ZFP1: variants seen among roughly 807,000 people sequenced by gnomAD.
ZFP1 encodes ZFP1 zinc finger protein.
A neutral mutation model predicts 38.5 loss-of-function variants in ZFP1; 32 were observed. The ratio of observed to expected loss-of-function variants is 0.83; its 90% CI spans 0.63 to 1.12. ZFP1 has a LOEUF of 1.12. Ranked by LOEUF, ZFP1 falls within the 50% of genes most tolerant of loss-of-function variation. ZFP1 has a pLI of 0.00. For synonymous variants in ZFP1, 245 were observed against 168.8 expected, an observed-to-expected ratio of 1.45 and a Z score of -3.50; for missense variants, 616 against 480.8, an observed-to-expected ratio of 1.28 and a Z score of -2.63.
chr16:75,164,809 GTT>G (rs35922943), intron 2 of ZFP1, among the ~76,000 whole-genome samples: 3 of 31,542 alleles, frequency 9.5e-5, no homozygotes, highest in East Asian at 5.4e-4. Flanking sequence ...GTTTCCATAA[GTT>G]TTTTTTTTTT....
In ZFP1 at chr16:75,170,511, C is replaced by A. The variant is rs2038367202; in HGVS notation, c.*177C>A. 1.1e-6 allele frequency: 1 copy of A among 918,368 alleles called. No individual in the cohort carries two copies. Among genetic ancestry groups the A allele is most frequent in the Non-Finnish European group, 1.5e-6 (1 of 665,902 alleles). 56.9% of individuals were successfully genotyped at this position (918,368 alleles called of 1,614,324 possible). On this transcript the variant is annotated 3_prime_UTR_variant, in exon 4 of 4. Coordinates refer to ENST00000570010, the MANE Select transcript of ZFP1 (RefSeq NM_153688.4). ...ATTATACTGGAAGTTACATGTGATACCCAGCTAAAGAATACATATCAGAAT... is the reference window on the plus strand; with the variant it reads ...ATTATACTGGAAGTTACATGTGATAACCAGCTAAAGAATACATATCAGAAT...
intron 2 of ZFP1, among the ~76,000 whole-genome samples, chr16:75,154,215 C>A (rs918333250): frequency 3.5e-5 from 3 of 85,164 alleles, no homozygotes; most frequent in Non-Finnish European, 8.6e-5. Flanking sequence ...CAGAGCGAGA[C>A]TTTGTCTCAA....
At chr16:75,163,734 C>G (rs1473815922) in intron 2 of ZFP1, among the ~76,000 whole-genome samples, 1 of 152,004 alleles carries the variant, frequency 6.6e-6, no homozygotes, top group Non-Finnish European at 1.5e-5. Context: ...ACCTGAACCT[C>G]CCACATAGCT....
At chr16:75,138,670 G>T in the ZFP1 span, among the ~76,000 whole-genome samples, 1 of 152,204 alleles carries the variant, frequency 6.6e-6, no homozygotes, top group Admixed American at 6.5e-5. Context: ...GAGGTGAAGA[G>T]AAATGGACCC....
the ZFP1 span, among the ~76,000 whole-genome samples, chr16:75,142,566 A>G: frequency 6.6e-6 from 1 of 152,138 alleles, no homozygotes; most frequent in Non-Finnish European, 1.5e-5. Flanking sequence ...AGCTTCTTTC[A>G]AAACAATTCA....
At chr16:75,167,047 T>A in intron 3 of ZFP1, 151 bp downstream of exon 3, 1 of 1,382,670 alleles carries the variant, frequency 7.2e-7, no homozygotes, top group Non-Finnish European at 9.7e-7. Flanking sequence ...TTTAAAGCTC[T>A]ATCATCTCCT....
chr16:75,127,110 G>C, the ZFP1 span, among the ~76,000 whole-genome samples: 4 of 152,148 alleles, frequency 2.6e-5, no homozygotes, highest in Non-Finnish European at 5.9e-5. Flanking sequence ...TTGTATCTTT[G>C]ACTATGGCTG....
upstream of ZFP1, chr16:75,144,066 A>C (rs553792150): frequency 3.8e-4 from 58 of 152,310 alleles, no homozygotes; most frequent in African/African-American, 1.3e-3. Flanking sequence ...AACACCCGCT[A>C]CACTTTCTCT....
chr16:75,136,390 A>G, the ZFP1 span, among the ~76,000 whole-genome samples: 1 of 152,226 alleles, frequency 6.6e-6, no homozygotes, highest in Non-Finnish European at 1.5e-5. Context: ...CTATACATGT[A>G]TACTGGAACA....
chr16:75,169,925 A>C lies in ZFP1; in HGVS notation c.815A>C (p.Glu272Ala), dbSNP rs147480282. Residue 272 changes from glutamate to alanine, a missense_variant, in exon 4 of 4, where the codon GAA (glutamate) becomes GCA (alanine). Coordinates refer to ENST00000570010, the MANE Select transcript of ZFP1 (RefSeq NM_153688.4). The stretch of plus-strand genomic sequence containing the variant: ...GAGAAGAAGCCCTATGAGTGCAGTG[A>C]ATGTGGAAAGACATTTGCCCAAAAG... ...HMEKKPYECS[E>A]CGKTFAQKFE... 69 of 1,614,098 alleles carry C rather than the reference A, an allele frequency of 4.3e-5. No homozygotes were observed. The African/African-American group carries it at 8.4e-4, about 20-fold the overall frequency.
chr16:75,125,258 C>T, the ZFP1 span, among the ~76,000 whole-genome samples: 18 of 152,014 alleles, frequency 1.2e-4, no homozygotes, highest in East Asian at 2.7e-3. Context: ...GACTCTATCT[C>T]GAAAAAAATT....
chr16:75,159,292 TCCC>T (rs2037630799), intron 2 of ZFP1, among the ~76,000 whole-genome samples: 1 of 31,140 alleles, frequency 3.2e-5, no homozygotes, highest in Admixed American at 3.3e-4. Context: ...CTTCCTTCCC[TCCC>T]TTCCCTCCCT....
upstream of ZFP1, among the ~76,000 whole-genome samples, chr16:75,146,178 T>C (rs1234862663): frequency 2.6e-5 from 4 of 151,290 alleles, no homozygotes; most frequent in Non-Finnish European, 4.4e-5. Context: ...TTTTTTTTTT[T>C]TGGAGACGGG....
chr16:75,153,166 G>A (rs765355885), intron 2 of ZFP1, among the ~76,000 whole-genome samples, 200 bp downstream of exon 2: 1 of 152,208 alleles, frequency 6.6e-6, no homozygotes, highest in Non-Finnish European at 1.5e-5. Context: ...ATTTGGTTCT[G>A]TACATTAGGT....
chr16:75,170,353 C>G lies in ZFP1; in HGVS notation c.*19C>G, dbSNP rs746815846. ...ACCCTGAAACTCCAGCCAGGTCTTA[C>G]TGTGGAAAACTCCTGCCAGAACTCT... is the stretch of plus-strand genomic sequence containing the variant. On this transcript the variant is annotated 3_prime_UTR_variant, in exon 4 of 4. Coordinates refer to ENST00000570010, the MANE Select transcript of ZFP1 (RefSeq NM_153688.4). 12 of 1,544,326 alleles carry G rather than the reference C, an allele frequency of 7.8e-6. No homozygotes were observed. Among genetic ancestry groups the G allele is most frequent in the Non-Finnish European group, 1.0e-5 (12 of 1,146,504 alleles).
chr16:75,153,395 C>T (rs928672478), intron 2 of ZFP1, among the ~76,000 whole-genome samples: 15 of 152,266 alleles, frequency 9.9e-5, no homozygotes, highest in Admixed American at 2.6e-4. Context: ...AATCCCTCCA[C>T]CCCAAGCAGG....
At chr16:75,132,030 C>T in the ZFP1 span, among the ~76,000 whole-genome samples, 201 of 151,948 alleles carry the variant, frequency 1.3e-3, no homozygotes, top group Non-Finnish European at 2.5e-3. Context: ...TTGGTTGATG[C>T]GTCTCATAAA....
the ZFP1 span, among the ~76,000 whole-genome samples, chr16:75,137,729 G>A: frequency 6.6e-6 from 1 of 151,924 alleles, no homozygotes; most frequent in African/African-American, 2.4e-5. Context: ...GCTTCCCAAA[G>A]TGCTGGGATT....
intron 3 of ZFP1, 44 bp from the exon 4 acceptor site, chr16:75,169,209 G>A (rs372238189): frequency 1.9e-5 from 29 of 1,552,046 alleles, no homozygotes; most frequent in South Asian, 6.3e-5. Flanking sequence ...ACATTATAGC[G>A]GAGGCATTGA....
Sources: allele counts gnomAD v4.1 joint callset (sites outside exome capture counted in the v4.1 genomes callset), GRCh38; gene constraint gnomAD v4.1.1; transcripts MANE v1.5; gene names NCBI Gene and HGNC (gene_info 2026-07-23, HGNC 2026-07-21).